NFATC1: variants seen among roughly 807,000 people sequenced by gnomAD.
The protein encoded by NFATC1 is nuclear factor of activated T cells 1.
A neutral mutation model predicts 76.0 loss-of-function variants in NFATC1; 22 were observed. The ratio of observed to expected loss-of-function variants is 0.29; its 90% CI spans 0.21 to 0.41. The LOEUF (loss-of-function observed/expected upper bound fraction) is 0.41, where lower values mean the gene tolerates loss of function less well. Among genes scored for constraint, NFATC1 ranks in the 10% least tolerant of loss-of-function variants. NFATC1 has a pLI of 1.00. For missense variants in NFATC1, 1,357 were observed against 1,337.7 expected, an observed-to-expected ratio of 1.01 and a Z score of -0.23; for synonymous variants, 704 against 613.1, an observed-to-expected ratio of 1.15 and a Z score of -2.19.
intron 9 of NFATC1, among the ~76,000 whole-genome samples, chr18:79,509,287 C>T (rs183275530): frequency 9.8e-5 from 15 of 152,370 alleles, no homozygotes; most frequent in Admixed American, 9.8e-4. Context: ...CAGATGTCCA[C>T]CGCGCCTGCC....
At chr18:79,513,565 G>A (rs1009121592) in intron 9 of NFATC1, among the ~76,000 whole-genome samples, 6 of 152,384 alleles carry the variant, frequency 3.9e-5, no homozygotes, top group East Asian at 1.9e-4. Flanking sequence ...TGAGGGACAC[G>A]TGCTTTCCCG....
chr18:79,510,127 T>G (rs1287924435), intron 9 of NFATC1, among the ~76,000 whole-genome samples: 1 of 152,180 alleles, frequency 6.6e-6, no homozygotes, highest in Non-Finnish European at 1.5e-5. Context: ...AGATAACTCA[T>G]AGCCCCCCCC....
intron 1 of NFATC1, among the ~76,000 whole-genome samples, chr18:79,406,950 G>A (rs776483225): frequency 1.4e-4 from 21 of 152,156 alleles, no homozygotes; most frequent in Admixed American, 2.0e-4. Context: ...GGCACAGGGC[G>A]ACCTGCCTGT....
At position 79,528,007 on chromosome 18, in the gene NFATC1, A is replaced by G. The variant is rs920646577; in HGVS notation, c.*430A>G. ...CTACTGTAGGAGTATTTTTAGGAGC[A>G]GAAACTGCAAACACATTTCATTGTG... On this transcript the variant is annotated 3_prime_UTR_variant, in exon 10 of 10. Coordinates refer to ENST00000427363, the MANE Select transcript of NFATC1 (RefSeq NM_001278669.2). 2.4e-6 allele frequency: 1 copy of G among 413,066 alleles called. No homozygotes were observed. The allele number at this position is 413,066 out of a possible 1,614,324, so 25.6% of individuals were successfully genotyped here. A position where few individuals can be genotyped will look rare whatever the true frequency, so the allele number is the denominator to read the frequency against.
intron 7 of NFATC1, among the ~76,000 whole-genome samples, chr18:79,464,696 T>TATATATATATA: frequency 1.0e-5 from 1 of 100,340 alleles, no homozygotes; most frequent in Non-Finnish European, 2.1e-5. Flanking sequence ...ATATATATAT[T>TATATATATATA]TATTTATTTA....
rs556338511 is a variant in NFATC1 at position 79,433,935 on chromosome 18, C to T, written c.1386+197C>T. On this transcript the variant is annotated intron_variant, in intron 3 of 9. Transcript: ENST00000427363. ...ACAGCTCCTCCTGCTTCCACACGTG[C>T]AGGCCCTCTCTCGTTGTTTTCAGAT... Among the ~76,000 whole-genome samples, 9 of 152,388 alleles carry T rather than the reference C, an allele frequency of 5.9e-5. No individual in the cohort carries two copies. In the East Asian group the frequency reaches 1.5e-3, roughly 26 times the overall value.
intron 7 of NFATC1, among the ~76,000 whole-genome samples, chr18:79,463,150 C>T (rs956946527): frequency 4.6e-5 from 7 of 152,234 alleles, no homozygotes; most frequent in Non-Finnish European, 1.0e-4. Context: ...CTCCCTGGCC[C>T]TGGGTGAAGT....
intron 8 of NFATC1, among the ~76,000 whole-genome samples, chr18:79,480,902 C>T (rs2089249982): frequency 6.6e-6 from 1 of 152,238 alleles, no homozygotes; most frequent in Non-Finnish European, 1.5e-5. Context: ...GAGAGAGGAT[C>T]CCAACAGGGT....
At position 79,527,830 on chromosome 18, in the gene NFATC1, C is replaced by T. The variant is rs151302568; in HGVS notation, c.*253C>T. On this transcript the variant is annotated 3_prime_UTR_variant, in exon 10 of 10. Coordinates refer to ENST00000427363, the MANE Select transcript of NFATC1 (RefSeq NM_001278669.2). ...AGAAGGGAGGTGGCCGGGCTGAGCA[C>T]GGGAGACCCACCGTGCAGGGGCCTT... 32 of 558,706 alleles carry T rather than the reference C, an allele frequency of 5.7e-5. No homozygotes were observed. Among genetic ancestry groups the T allele is most frequent in the African/African-American group, 2.6e-4 (14 of 53,644 alleles). 34.6% of individuals were successfully genotyped at this position (558,706 alleles called of 1,614,324 possible).
chr18:79,456,579 G>A lies in NFATC1; in HGVS notation c.1904-4732G>A, dbSNP rs537243730. ...TTCCTAGGGTCTGGTTCTTTCTCGC[G>A]GGCGGGGAGGAGGTGAGGGTCAGGG... is the stretch of plus-strand genomic sequence containing the variant. On this transcript the variant is annotated intron_variant, in intron 6 of 9. Transcript: ENST00000427363. Among the ~76,000 whole-genome samples the A allele has an allele frequency of 9.8e-5, 15 of 152,294 alleles. No homozygotes were observed. In the South Asian group the frequency reaches 1.0e-3, roughly 11 times the overall value.
chr18:79,467,165 CCCCTT>C (rs2088541652), intron 7 of NFATC1, among the ~76,000 whole-genome samples: 1 of 152,270 alleles, frequency 6.6e-6, no homozygotes, highest in South Asian at 2.1e-4. Context: ...CCAAGGGCAG[CCCCTT>C]CCCTGTGAGC....
In NFATC1 at chr18:79,490,019, G is replaced by A. The variant is rs562084119; in HGVS notation, c.2782+3082G>A. Among the ~76,000 whole-genome samples, 8 of 152,334 alleles carry A rather than the reference G, an allele frequency of 5.3e-5. No homozygotes were observed. In the South Asian group the frequency reaches 8.3e-4, roughly 16 times the overall value. The stretch of plus-strand genomic sequence containing the variant: ...TTCATCTCCACCTGTGAGGTCCCTC[G>A]ATGCTCAGCCAGGACCACAGCAGTT... On this transcript the variant is annotated intron_variant, in intron 9 of 9. Transcript: ENST00000427363.
intron 2 of NFATC1, among the ~76,000 whole-genome samples, chr18:79,430,952 C>T (rs746705839): frequency 1.3e-5 from 2 of 152,188 alleles, no homozygotes; most frequent in Non-Finnish European, 2.9e-5. Flanking sequence ...AGGCCTGGGT[C>T]CAGCCGCCTT....
At chr18:79,473,732 C>A (rs918460500) in intron 8 of NFATC1, among the ~76,000 whole-genome samples, 2 of 147,688 alleles carry the variant, frequency 1.4e-5, no homozygotes, top group African/African-American at 5.0e-5. Context: ...CGTGTTCTCA[C>A]ACTCACTGTC....
At chr18:79,451,300 C>T (rs2087462108) in intron 5 of NFATC1, among the ~76,000 whole-genome samples, 174 bp downstream of exon 5, 1 of 152,256 alleles carries the variant, frequency 6.6e-6, no homozygotes, top group Non-Finnish European at 1.5e-5. Flanking sequence ...TGAGTTATTG[C>T]CTGTGGCCTC....
intron 2 of NFATC1, among the ~76,000 whole-genome samples, chr18:79,430,654 A>G (rs2086559757): frequency 6.6e-6 from 1 of 152,212 alleles, no homozygotes; most frequent in Non-Finnish European, 1.5e-5. Context: ...AAGTGCTGGG[A>G]TTACAGGCAT....
chr18:79,428,125 T>G (rs73494223), intron 2 of NFATC1, among the ~76,000 whole-genome samples: 3,253 of 148,090 alleles, frequency 0.022, 107 homozygotes, highest in African/African-American at 0.076. Context: ...GGCCTGGACG[T>G]CTGGCTTCTG....
chr18:79,433,819 T>G, intron 3 of NFATC1, 81 bp downstream of exon 3: 1 of 1,517,004 alleles, frequency 6.6e-7, no homozygotes, highest in South Asian at 1.2e-5. Flanking sequence ...CTAACTGTGC[T>G]TAGACTCTCC....
chr18:79,467,602 C>A lies in NFATC1; in HGVS notation c.2092+20C>A, dbSNP rs200714514. On this transcript the variant is annotated intron_variant, in intron 8 of 9. Transcript: ENST00000427363. ...CCAACGGTAACGCCATCTTTCTAACCGTAAGCCGTGAACATGAGCGCGTGG... is the reference window on the plus strand; with the variant it reads ...CCAACGGTAACGCCATCTTTCTAACAGTAAGCCGTGAACATGAGCGCGTGG... 6.2e-7 allele frequency: 1 copy of A among 1,613,484 alleles called. No individual in the cohort carries two copies. The highest frequency in any genetic ancestry group is 8.5e-7 in the Non-Finnish European group (1 of 1,179,718).
Sources: allele counts gnomAD v4.1 joint callset (sites outside exome capture counted in the v4.1 genomes callset), GRCh38; gene constraint gnomAD v4.1.1; transcripts MANE v1.5; gene names NCBI Gene and HGNC (gene_info 2026-07-23, HGNC 2026-07-21).